BPIFA2: variants seen among roughly 807,000 people sequenced by gnomAD.
The protein encoded by BPIFA2 is BPI fold containing family A member 2.
Under a neutral mutation model 25.7 loss-of-function variants are expected in BPIFA2, and 20 were observed. That is an observed-to-expected ratio of 0.78 (90% confidence interval 0.55 to 1.13). The LOEUF (loss-of-function observed/expected upper bound fraction) is 1.13. Ranked by LOEUF, BPIFA2 falls within the 50% of genes most tolerant of loss-of-function variation. The pLI, the probability that BPIFA2 is intolerant of heterozygous loss-of-function variation, is 0.00. For missense variants in BPIFA2, 300 were observed against 298.1 expected (o/e 1.01, Z -0.05); for synonymous variants, 126 against 124.3 (o/e 1.01, Z -0.09).
intron 6 of BPIFA2, among the ~76,000 whole-genome samples, chr20:33,179,361 C>T (rs556261410): frequency 1.3e-5 from 2 of 148,614 alleles, no homozygotes; most frequent in East Asian, 2.0e-4. Flanking sequence ...ATCTGGGAGG[C>T]GGAGGTTGCA....
chr20:33,165,547 G>A (rs552583115), upstream of BPIFA2, among the ~76,000 whole-genome samples: 1 of 152,300 alleles, frequency 6.6e-6, no homozygotes, highest in South Asian at 2.1e-4. Context: ...GGTCTCAGTA[G>A]GCTGCATGAC....
intron 1 of BPIFA2, 59 bp from the exon 2 acceptor site, chr20:33,169,072 C>A: frequency 7.1e-7 from 1 of 1,400,654 alleles, no homozygotes; most frequent in Non-Finnish European, 1.0e-6. Context: ...TGGGAACTCA[C>A]TGAAGAGTCC....
In BPIFA2 at chr20:33,180,550, C is replaced by A. The variant is rs745343196; in HGVS notation, c.740C>A (p.Thr247Asn). The A allele has an allele frequency of 8.1e-6, 13 of 1,613,366 alleles. No individual in the cohort carries two copies. The highest frequency in any genetic ancestry group is 1.1e-5 in the Non-Finnish European group (13 of 1,179,390). The change falls in exon 8 of 9, where the codon ACC (threonine) becomes AAC (asparagine). Residue 247 changes from threonine to asparagine, a missense_variant. Thr to Asn is a moderately conservative substitution (Grantham distance 65, BLOSUM62 0). Coordinates refer to ENST00000354932, the MANE Select transcript of BPIFA2 (RefSeq NM_080574.4). The part of the protein sequence containing the change: ...DNPQHKTQLQ[T>N]LI The stretch of plus-strand genomic sequence containing the variant: ...CCTCAGCACAAAACCCAGCTGCAAA[C>A]CCTCATCTGAAGAGGACGAATGAGG...
At chr20:33,180,405 C>T in intron 7 of BPIFA2, 115 bp from the exon 8 acceptor site, 1 of 1,134,990 alleles carries the variant, frequency 8.8e-7, no homozygotes. Flanking sequence ...GAGCAACATC[C>T]CTGGGGTCCC....
chr20:33,162,342 T>C (rs915245462), intron 1 of BPIFA2, among the ~76,000 whole-genome samples: 2 of 152,200 alleles, frequency 1.3e-5, no homozygotes, highest in African/African-American at 2.4e-5. Context: ...TCCAGGATTC[T>C]GCATTCCCCC....
At chr20:33,180,461 G>A (rs1035638621) in intron 7 of BPIFA2, 59 bp from the exon 8 acceptor site, 16 of 1,550,700 alleles carry the variant, frequency 1.0e-5, no homozygotes, top group Non-Finnish European at 9.8e-6. Flanking sequence ...TTTGGAGTCT[G>A]GTCTCTATTC....
At chr20:33,173,222 C>G in intron 3 of BPIFA2, 146 bp downstream of exon 3, 2 of 929,834 alleles carry the variant, frequency 2.2e-6, no homozygotes. Context: ...GCCAGACCCA[C>G]CAGAGCTTGA....
intron 8 of BPIFA2, among the ~76,000 whole-genome samples, chr20:33,180,851 A>T (rs1984254835): frequency 6.6e-6 from 1 of 152,174 alleles, no homozygotes; most frequent in Non-Finnish European, 1.5e-5. Context: ...CCAGTTATTG[A>T]CTGAGCCTTA....
chr20:33,176,459 TC>T lies in BPIFA2; in HGVS notation c.563+901del, dbSNP rs556641007. 2.6e-5 allele frequency among the ~76,000 whole-genome samples: 4 copies of T among 152,296 alleles called. No homozygotes were observed. The South Asian group carries it at 8.3e-4, about 32-fold the overall frequency. On this transcript the variant is annotated intron_variant, in intron 5 of 8. Coordinates refer to ENST00000354932, the MANE Select transcript of BPIFA2 (RefSeq NM_080574.4). ...TGGCCATGAGCAGAGGACACTCCACTCGCCCTGCACTGAGGGATCTGAACAC... is the reference window on the plus strand; with the variant it reads ...TGGCCATGAGCAGAGGACACTCCACTGCCCTGCACTGAGGGATCTGAACAC...
At chr20:33,164,702 T>TTTCTTTCTCCC (rs138019625), upstream of BPIFA2, among the ~76,000 whole-genome samples, 13,537 of 151,602 alleles carry the variant, frequency 0.089, 1,175 homozygotes, top group African/African-American at 0.23. Context: ...CTCTTTTTCC[T>TTTCTTTCTCCC]TTCTTTCCTG....
At chr20:33,169,859 AAATT>A (rs756915152) in intron 2 of BPIFA2, among the ~76,000 whole-genome samples, 18 of 152,200 alleles carry the variant, frequency 1.2e-4, no homozygotes, top group Non-Finnish European at 2.2e-4. Context: ...AATTCAGTGA[AAATT>A]AAGGAAATTA....
At chr20:33,166,263 C>T (rs145459233), upstream of BPIFA2, among the ~76,000 whole-genome samples, 207 of 152,168 alleles carry the variant, frequency 1.4e-3, 5 homozygotes, top group East Asian at 0.034. Context: ...GTGATCTGCC[C>T]GCCTCGGCCT....
intron 1 of BPIFA2, among the ~76,000 whole-genome samples, chr20:33,162,433 G>A (rs79250306): frequency 0.061 from 9,321 of 152,236 alleles, 442 homozygotes; most frequent in African/African-American, 0.13. Flanking sequence ...CTCAGACAGC[G>A]GCCATGCCTT....
At position 33,179,890 on chromosome 20, in the gene BPIFA2, T is replaced by C. The variant is rs377229219; in HGVS notation, c.709+223T>C. Reference sequence around the variant, plus strand: ...TGGGGAGAAATGGAGTAAGTAAAGCTGTCAAGACCCTGGAGGTGACCCTTC... The same window carrying C: ...TGGGGAGAAATGGAGTAAGTAAAGCCGTCAAGACCCTGGAGGTGACCCTTC... On this transcript the variant is annotated intron_variant, in intron 7 of 8. Transcript: ENST00000354932. 9.9e-5 allele frequency among the ~76,000 whole-genome samples: 15 copies of C among 152,240 alleles called. 2 individuals are homozygous for C. In the South Asian group the frequency reaches 3.1e-3, roughly 32 times the overall value.
At chr20:33,169,384 G>A in intron 2 of BPIFA2, 82 bp downstream of exon 2, 1 of 1,425,544 alleles carries the variant, frequency 7.0e-7, no homozygotes, top group Non-Finnish European at 9.7e-7. Flanking sequence ...GCTGCCACCA[G>A]GGGCTACTCT....
Position 33,172,955 on chromosome 20 carries a change from G to T in BPIFA2, c.181G>T (p.Asp61Tyr). Reference protein sequence around the residue: ...LKGILEKLKVDLGVLQKSSAW... With the variant: ...LKGILEKLKVYLGVLQKSSAW... Reference sequence around the variant, plus strand: ...AGGCATCCTTGAGAAACTGAAGGTCGACCTAGGAGTGCTTCAGAAATCCAG... The same window carrying T: ...AGGCATCCTTGAGAAACTGAAGGTCTACCTAGGAGTGCTTCAGAAATCCAG... Residue 61 changes from aspartate to tyrosine, a missense_variant, in exon 3 of 9, where the codon GAC becomes TAC. Transcript: ENST00000354932. The T allele has an allele frequency of 6.2e-7, 1 of 1,612,654 alleles. No individual in the cohort carries two copies. The highest frequency in any genetic ancestry group is 1.7e-5 in the Admixed American group (1 of 59,692).
chr20:33,167,355 G>A (rs1203618650), upstream of BPIFA2, among the ~76,000 whole-genome samples: 1 of 152,192 alleles, frequency 6.6e-6, no homozygotes, highest in Non-Finnish European at 1.5e-5. Context: ...CCAAACATCA[G>A]TGGCCGAAGC....
intron 2 of BPIFA2, among the ~76,000 whole-genome samples, chr20:33,170,929 C>A (rs1270493012): frequency 1.3e-5 from 2 of 152,186 alleles, no homozygotes; most frequent in Admixed American, 6.5e-5. Context: ...AGGAAGGGAT[C>A]CAGTTCCAGT....
intron 2 of BPIFA2, among the ~76,000 whole-genome samples, chr20:33,170,409 T>C (rs1281337595): frequency 6.6e-6 from 1 of 152,214 alleles, no homozygotes; most frequent in African/African-American, 2.4e-5. Context: ...CCTGTATCTA[T>C]CATGACATTT....
Sources: gnomAD v4.1 joint callset for allele counts (sites outside exome capture counted in the v4.1 genomes callset) on GRCh38, gnomAD v4.1.1 for gene constraint, MANE v1.5 for transcripts, NCBI Gene and HGNC (gene_info 2026-07-23, HGNC 2026-07-21) for gene names.